The following DARS1 variants were observed in gnomAD, a reference collection of about 807,000 sequenced individuals.
DARS1 encodes the protein aspartate--tRNA ligase, cytoplasmic.
A neutral mutation model predicts 68.8 loss-of-function variants in DARS1; 51 were observed. The observed-to-expected ratio is 0.74, with a 90% CI of 0.59 to 0.94. The LOEUF is 0.94. DARS1 is among the 40% of genes least tolerant of loss of function. DARS1 has a pLI of 0.00. For synonymous variants in DARS1, 203 were observed against 190.4 expected, an observed-to-expected ratio of 1.07 and a Z score of -0.55; for missense variants, 607 against 597.3, an observed-to-expected ratio of 1.02 and a Z score of -0.17.
At chr2:135,978,972 T>A (rs1575409536) in intron 3 of DARS1, 1 of 56,850 alleles carries the variant, frequency 1.8e-5, no homozygotes. Context: ...TTTTTTTCAA[T>A]TTTTTTTTTT....
chr2:135,954,802 G>C (rs1681928778), intron 4 of DARS1, among the ~76,000 whole-genome samples: 1 of 152,124 alleles, frequency 6.6e-6, no homozygotes, highest in Non-Finnish European at 1.5e-5. Context: ...ACCTGCTACA[G>C]AGGTCGAGGA....
At chr2:135,933,853 T>G (rs1039836243) in intron 6 of DARS1, 57 bp downstream of exon 6, 1 of 1,556,288 alleles carries the variant, frequency 6.4e-7, no homozygotes, top group African/African-American at 1.4e-5. Flanking sequence ...AGGTTTTCAA[T>G]GTTTTGCAAA....
rs371907574 is a variant in DARS1 at position 135,982,317 on chromosome 2, G to A, written c.124+1080C>T. Among the ~76,000 whole-genome samples the A allele has an allele frequency of 5.8e-4, 88 of 152,200 alleles. 2 individuals are homozygous for A. The highest frequency in any genetic ancestry group is 1.8e-3 in the African/African-American group (74 of 41,546). ...GTCAATTTCAAAGAAATATAAGGCC[G>A]GGTGCGGTGGCTCACACCTGTAATC... On this transcript the variant is annotated intron_variant, in intron 2 of 15. Coordinates refer to ENST00000264161, the MANE Select transcript of DARS1 (RefSeq NM_001349.4).
At chr2:135,974,036 T>C (rs1682445078) in intron 3 of DARS1, among the ~76,000 whole-genome samples, 1 of 152,238 alleles carries the variant, frequency 6.6e-6, no homozygotes, top group African/African-American at 2.4e-5. Flanking sequence ...ACCTATTATG[T>C]ACCCCAAAAA....
At chr2:135,952,179 G>GT (rs1681852261) in intron 4 of DARS1, among the ~76,000 whole-genome samples, 1 of 152,216 alleles carries the variant, frequency 6.6e-6, no homozygotes, top group Non-Finnish European at 1.5e-5. Context: ...GGGAGGCAGA[G>GT]GTTGCAGTAA....
At chr2:135,970,136 G>T (rs1682332984) in intron 3 of DARS1, among the ~76,000 whole-genome samples, 1 of 151,992 alleles carries the variant, frequency 6.6e-6, no homozygotes, top group South Asian at 2.1e-4. Flanking sequence ...CAGCTACTTG[G>T]GAGGGTGAGG....
At chr2:135,961,318 T>G (rs896368084) in intron 4 of DARS1, 78 bp downstream of exon 4, 6 of 782,078 alleles carry the variant, frequency 7.7e-6, no homozygotes, top group Non-Finnish European at 1.4e-5. Context: ...TGTTAATGTA[T>G]GAAAATGGTC....
At position 135,916,366 on chromosome 2, in the gene DARS1, C is replaced by T. The variant is rs1192466026; in HGVS notation, c.966G>A (p.Gln322=). Residue 322 remains glutamine, a synonymous_variant, in exon 11 of 16, where the codon CAG becomes CAA. Transcript: ENST00000264161. ...GTTTATTCACTGTTTGAATTTCAGT[C>T]TGAAACCTATTTGCAGAATGATTTA... ...QIFKGLQERF[Q]TEIQTVNKQF... is the part of the protein sequence containing the mutation. 2 of 1,523,682 alleles carry T rather than the reference C, an allele frequency of 1.3e-6. No individual in the cohort carries two copies. The highest frequency in any genetic ancestry group is 1.8e-6 in the Non-Finnish European group (2 of 1,098,866). 94.4% of individuals were successfully genotyped at this position (1,523,682 alleles called of 1,614,324 possible). A position where few individuals can be genotyped will look rare whatever the true frequency, so the allele number is the denominator to read the frequency against.
At chr2:135,911,087 G>T (rs1680886041) in intron 15 of DARS1, 52 bp downstream of exon 15, 4 of 797,710 alleles carry the variant, frequency 5.0e-6, no homozygotes, top group Non-Finnish European at 8.6e-6. Context: ...ATTCAAATTT[G>T]TATTATACTT....
At chr2:135,940,688 G>A (rs549759589) in intron 5 of DARS1, among the ~76,000 whole-genome samples, 1 of 152,094 alleles carries the variant, frequency 6.6e-6, no homozygotes, top group South Asian at 2.1e-4. Context: ...AGGAATAAAG[G>A]GTATTCAATT....
At chr2:135,914,875 T>C (rs1680972995) in intron 11 of DARS1, 1 of 166,384 alleles carries the variant, frequency 6.0e-6, no homozygotes. Flanking sequence ...CCCTTTTTGG[T>C]ACTCTTTATC....
At chr2:135,985,270 CG>C in intron 1 of DARS1, 132 bp downstream of exon 1, 1 of 1,404,986 alleles carries the variant, frequency 7.1e-7, no homozygotes, top group Non-Finnish European at 9.4e-7. Flanking sequence ...TCTAGGCGCC[CG>C]GACCCCACGC....
intron 9 of DARS1, 143 bp from the exon 10 acceptor site, chr2:135,920,743 T>C (rs1228087868): frequency 9.0e-7 from 1 of 1,108,564 alleles, no homozygotes; most frequent in African/African-American, 1.6e-5. Flanking sequence ...TGATGAACCA[T>C]CTGTTTGAGC....
chr2:135,950,290 T>A (rs982628727), intron 4 of DARS1, among the ~76,000 whole-genome samples: 4 of 152,210 alleles, frequency 2.6e-5, no homozygotes, highest in Non-Finnish European at 4.4e-5. Flanking sequence ...GCATTTTATA[T>A]ATAACAACTG....
chr2:135,955,178 G>A (rs1681944765), intron 4 of DARS1, among the ~76,000 whole-genome samples: 1 of 147,366 alleles, frequency 6.8e-6, no homozygotes, highest in Non-Finnish European at 1.5e-5. Flanking sequence ...TGGTGAAAGA[G>A]ACACTATGTA....
intron 7 of DARS1, among the ~76,000 whole-genome samples, chr2:135,929,040 A>G (rs2104807140): frequency 6.6e-6 from 1 of 152,340 alleles, no homozygotes; most frequent in East Asian, 1.9e-4. Context: ...GTGTCAAGAC[A>G]TTCCAACACA....
intron 9 of DARS1, among the ~76,000 whole-genome samples, chr2:135,922,396 CT>C (rs1681124271): frequency 6.6e-6 from 1 of 152,118 alleles, no homozygotes; most frequent in East Asian, 1.9e-4. Flanking sequence ...TCTGTTCTAA[CT>C]GCACTGAGGT....
chr2:135,930,031 C>T (rs1311643974), intron 7 of DARS1, among the ~76,000 whole-genome samples: 4 of 151,896 alleles, frequency 2.6e-5, no homozygotes. Flanking sequence ...AGTTAAGGGG[C>T]TAACAGTCTG....
chr2:135,922,592 TTAC>T (rs1366663711), intron 9 of DARS1, among the ~76,000 whole-genome samples, 189 bp downstream of exon 9: 6 of 152,194 alleles, frequency 3.9e-5, no homozygotes, highest in Non-Finnish European at 5.9e-5. Flanking sequence ...CATATTATTA[TTAC>T]TATTACTTTT....
Sources: gnomAD v4.1 joint callset for allele counts (sites outside exome capture counted in the v4.1 genomes callset) on GRCh38, gnomAD v4.1.1 for gene constraint, MANE v1.5 for transcripts, NCBI Gene and HGNC (gene_info 2026-07-23, HGNC 2026-07-21) for gene names.